The following GAREM1 variants were observed in gnomAD, a reference collection of about 807,000 sequenced individuals.
GAREM1 encodes the protein GRB2-associated and regulator of MAPK protein 1.
GAREM1 carries 26 observed loss-of-function variants against 71.3 expected under a neutral mutation model. That is an observed-to-expected ratio of 0.36 (90% CI 0.27 to 0.51). GAREM1 has a LOEUF of 0.51. Among genes scored for constraint, GAREM1 ranks in the 20% least tolerant of loss-of-function variants. The pLI, the probability that GAREM1 is intolerant of heterozygous loss-of-function variation, is 0.95. For missense variants in GAREM1, 1,026 were observed against 1,103.1 expected, an observed-to-expected ratio of 0.93 and a Z score of 0.99; for synonymous variants, 440 against 433.2, an observed-to-expected ratio of 1.02 and a Z score of -0.20.
intron 2 of GAREM1, among the ~76,000 whole-genome samples, chr18:32,329,477 G>A (rs891558271): frequency 6.6e-6 from 1 of 151,942 alleles, no homozygotes; most frequent in African/African-American, 2.4e-5. Flanking sequence ...GGAGGCTGAG[G>A]CAGGTGGATC....
chr18:32,418,485 C>T (rs1338978330), intron 1 of GAREM1, among the ~76,000 whole-genome samples: 2 of 152,192 alleles, frequency 1.3e-5, no homozygotes, highest in Admixed American at 6.6e-5. Flanking sequence ...AACAGACCCA[C>T]TCCAAAGGAT....
chr18:32,282,494 A>G (rs1449951547), intron 4 of GAREM1, among the ~76,000 whole-genome samples: 2 of 152,098 alleles, frequency 1.3e-5, no homozygotes, highest in Non-Finnish European at 2.9e-5. Context: ...ACACTGCCAC[A>G]CAAATGGTTT....
intron 3 of GAREM1, among the ~76,000 whole-genome samples, chr18:32,302,606 G>A (rs2047211971): frequency 6.6e-6 from 1 of 152,116 alleles, no homozygotes; most frequent in Admixed American, 6.5e-5. Flanking sequence ...AAATAAGCCA[G>A]GCATAGAAAG....
At chr18:32,275,502 C>G (rs1490516704) in intron 4 of GAREM1, among the ~76,000 whole-genome samples, 1 of 152,186 alleles carries the variant, frequency 6.6e-6, no homozygotes, top group Non-Finnish European at 1.5e-5. Context: ...AGTACCTTGA[C>G]TATTCACAGA....
intron 2 of GAREM1, among the ~76,000 whole-genome samples, chr18:32,353,132 C>T (rs1261420132): frequency 6.6e-6 from 1 of 152,196 alleles, no homozygotes; most frequent in East Asian, 1.9e-4. Context: ...TATCTTTTAT[C>T]ACTGACCTTA....
intron 3 of GAREM1, among the ~76,000 whole-genome samples, chr18:32,308,422 A>G (rs939955556): frequency 6.6e-6 from 1 of 150,460 alleles, no homozygotes; most frequent in Admixed American, 6.6e-5. Context: ...TTAATACTAG[A>G]GAAAATCTTT....
chr18:32,303,801 G>A (rs2047222217), intron 3 of GAREM1, among the ~76,000 whole-genome samples: 1 of 152,162 alleles, frequency 6.6e-6, no homozygotes, highest in African/African-American at 2.4e-5. Flanking sequence ...CATGCCTGTA[G>A]TCCTAGCTAT....
At chr18:32,393,681 C>G (rs2048224844) in intron 1 of GAREM1, among the ~76,000 whole-genome samples, 1 of 152,164 alleles carries the variant, frequency 6.6e-6, no homozygotes, top group African/African-American at 2.4e-5. Flanking sequence ...ACTTCCCGAT[C>G]AATTAAAAAT....
intron 1 of GAREM1, among the ~76,000 whole-genome samples, chr18:32,398,307 C>T (rs1186881194): frequency 1.3e-5 from 2 of 152,048 alleles, no homozygotes; most frequent in Non-Finnish European, 2.9e-5. Context: ...CAAGAAATAA[C>T]TAAGATCAGA....
chr18:32,370,768 T>C (rs996720490), intron 2 of GAREM1, among the ~76,000 whole-genome samples: 3 of 152,266 alleles, frequency 2.0e-5, no homozygotes, highest in South Asian at 2.1e-4. Context: ...TTTATATATA[T>C]ACAGCCTATT....
chr18:32,416,468 A>G (rs1256355000), intron 1 of GAREM1, among the ~76,000 whole-genome samples: 3 of 152,092 alleles, frequency 2.0e-5, no homozygotes, highest in Admixed American at 2.0e-4. Context: ...TTCAAATTAT[A>G]TTAATACTAC....
intron 2 of GAREM1, among the ~76,000 whole-genome samples, chr18:32,388,795 A>G (rs1428284548): frequency 2.0e-5 from 3 of 152,238 alleles, no homozygotes; most frequent in Non-Finnish European, 2.9e-5. Flanking sequence ...GCAAAATACA[A>G]TAAGTGGTCC....
chr18:32,334,863 A>C (rs1316042779), intron 2 of GAREM1, among the ~76,000 whole-genome samples: 1 of 152,112 alleles, frequency 6.6e-6, no homozygotes, highest in Non-Finnish European at 1.5e-5. Flanking sequence ...GGTACGAGAT[A>C]TGTGGGCACC....
intron 1 of GAREM1, among the ~76,000 whole-genome samples, chr18:32,448,314 G>A (rs1300509474): frequency 6.6e-6 from 1 of 152,170 alleles, no homozygotes; most frequent in Non-Finnish European, 1.5e-5. Context: ...AATAAAAAAT[G>A]TAAAATTATC....
rs183612560 is a variant in GAREM1 at position 32,386,096 on chromosome 18, T to C, written c.262+6799A>G. Among the ~76,000 whole-genome samples, 276 of 152,338 alleles carry C rather than the reference T, an allele frequency of 1.8e-3. 2 individuals carry two copies. Among genetic ancestry groups the C allele is most frequent in the Non-Finnish European group, 2.0e-3 (136 of 68,028 alleles). ...CATACTTTATTAGTTCTGAGGACTT[T>C]TGAAAAGAAAGTTTGGTTATTTTCC... On this transcript the variant is annotated intron_variant, in intron 2 of 5. Transcript: ENST00000269209.
intron 2 of GAREM1, among the ~76,000 whole-genome samples, chr18:32,325,514 G>A (rs1369783883): frequency 1.3e-5 from 2 of 152,222 alleles, no homozygotes; most frequent in East Asian, 1.9e-4. Context: ...CAATTGTGCC[G>A]TGAATCTAAA....
intron 1 of GAREM1, among the ~76,000 whole-genome samples, chr18:32,418,357 T>C (rs1403479112): frequency 2.0e-5 from 3 of 152,154 alleles, no homozygotes; most frequent in Non-Finnish European, 4.4e-5. Flanking sequence ...GGTTGCTGTG[T>C]ACTGTAAACA....
intron 2 of GAREM1, among the ~76,000 whole-genome samples, chr18:32,358,176 C>G (rs113779035): frequency 0.026 from 3,547 of 138,062 alleles, 46 homozygotes; most frequent in Non-Finnish European, 0.039. Context: ...CGGAGGCTTT[C>G]ACAGGGGACC....
At chr18:32,337,136 G>A (rs2047603815) in intron 2 of GAREM1, among the ~76,000 whole-genome samples, 1 of 152,116 alleles carries the variant, frequency 6.6e-6, no homozygotes, top group African/African-American at 2.4e-5. Context: ...ATTAGACATG[G>A]GCACCTGTAT....
Sources: allele counts gnomAD v4.1 joint callset (sites outside exome capture counted in the v4.1 genomes callset), GRCh38; gene constraint gnomAD v4.1.1; transcripts MANE v1.5; gene names NCBI Gene and HGNC (gene_info 2026-07-23, HGNC 2026-07-21).